The following FOXP1 variants were observed in gnomAD, a reference collection of about 807,000 sequenced individuals.
FOXP1 encodes the protein forkhead box protein P1.
A neutral mutation model predicts 98.2 loss-of-function variants in FOXP1; 15 were observed. The observed-to-expected ratio is 0.15, with a 90% confidence interval of 0.10 to 0.24. FOXP1 has a LOEUF of 0.24. FOXP1 is among the 10% of genes least tolerant of loss of function. The pLI, the probability that FOXP1 is intolerant of heterozygous loss-of-function variation, is 1.00. For missense variants in FOXP1, 633 were observed against 848.5 expected, an observed-to-expected ratio of 0.75 and a Z score of 3.15; for synonymous variants, 371 against 314.5, an observed-to-expected ratio of 1.18 and a Z score of -1.90.
At chr3:71,573,423 G>C (rs948580920) in intron 2 of FOXP1, 2 of 150,774 alleles carry the variant, frequency 1.3e-5, no homozygotes, top group African/African-American at 2.4e-5. Context: ...AGACAAAAGG[G>C]AGAAGCACCC....
intron 5 of FOXP1, among the ~76,000 whole-genome samples, chr3:71,280,996 C>T (rs2071477843): frequency 7.8e-6 from 1 of 128,792 alleles, no homozygotes; most frequent in South Asian, 2.4e-4. Flanking sequence ...TTAAAAAGGA[C>T]AGATCCTACC....
At chr3:71,208,871 CAA>C (rs2064247627) in intron 5 of FOXP1, among the ~76,000 whole-genome samples, 1 of 152,112 alleles carries the variant, frequency 6.6e-6, no homozygotes, top group Non-Finnish European at 1.5e-5. Context: ...GCAAGATAAA[CAA>C]ACAGTCATTC....
intron 5 of FOXP1, among the ~76,000 whole-genome samples, chr3:71,231,755 C>T (rs2066306166): frequency 6.6e-6 from 1 of 152,152 alleles, no homozygotes; most frequent in African/African-American, 2.4e-5. Flanking sequence ...CATTATGGTG[C>T]ATAAATAATT....
rs2031721637 is a variant in FOXP1, at chr3:70,956,125, TGACA to T, written c.*3118_*3121del. The T allele has an allele frequency of 4.3e-6, 1 of 233,168 alleles. No individual in the cohort carries two copies. The highest frequency in any genetic ancestry group is 8.5e-6 in the Non-Finnish European group (1 of 118,032). The allele number at this position is 233,168 out of a possible 1,614,324, so 14.4% of individuals were successfully genotyped here. A position where few individuals can be genotyped will look rare whatever the true frequency, so the allele number is the denominator to read the frequency against. ...AGTTGCACAAAAAGCAAAGGTGTTT[TGACA>T]AACAGGTGTATGCATTTATTCCTTT... On this transcript the variant is annotated 3_prime_UTR_variant, in exon 21 of 21. Coordinates refer to ENST00000649528, the MANE Select transcript of FOXP1 (RefSeq NM_001349338.3).
rs765338199 is a variant in FOXP1 at position 70,955,170 on chromosome 3, G to A, written c.*4077C>T. Reference sequence around the variant, plus strand: ...CACTCTTCTTTGTGCCTTTGGAAACGGAGTTCAGCTGGAATATGGAAAAGA... The same window carrying A: ...CACTCTTCTTTGTGCCTTTGGAAACAGAGTTCAGCTGGAATATGGAAAAGA... On this transcript the variant is annotated 3_prime_UTR_variant, in exon 21 of 21. Transcript: ENST00000649528. The A allele has an allele frequency of 6.0e-5, 14 of 232,306 alleles. No individual in the cohort carries two copies. Among genetic ancestry groups the A allele is most frequent in the Admixed American group, 4.5e-4 (8 of 17,746 alleles). The allele number at this position is 232,306 out of a possible 1,614,324, so 14.4% of individuals were successfully genotyped here.
intron 7 of FOXP1, among the ~76,000 whole-genome samples, chr3:71,080,176 G>A (rs1461555889): frequency 6.6e-6 from 1 of 152,156 alleles, no homozygotes; most frequent in Non-Finnish European, 1.5e-5. Context: ...CCTGGCAATG[G>A]TTTCTATATT....
intron 3 of FOXP1, among the ~76,000 whole-genome samples, chr3:71,478,797 T>C (rs200925853): frequency 2.6e-5 from 4 of 152,216 alleles, no homozygotes; most frequent in Non-Finnish European, 5.9e-5. Context: ...GACATGGCTG[T>C]TGCCATGGTG....
At chr3:71,329,564 G>C (rs2076167992) in intron 4 of FOXP1, among the ~76,000 whole-genome samples, 1 of 146,472 alleles carries the variant, frequency 6.8e-6, no homozygotes, top group Non-Finnish European at 1.5e-5. Context: ...GTTGTCCCAG[G>C]GCATCAGAGA....
At chr3:70,965,851 G>C (rs1311939414) in intron 20 of FOXP1, 39 bp downstream of exon 20, 4 of 1,600,988 alleles carry the variant, frequency 2.5e-6, no homozygotes, top group Admixed American at 1.7e-5. Flanking sequence ...GGGAGACTAG[G>C]GTCAGATAGC....
At chr3:71,168,068 T>TTA (rs1370658391) in intron 6 of FOXP1, among the ~76,000 whole-genome samples, 1 of 152,136 alleles carries the variant, frequency 6.6e-6, no homozygotes, top group Admixed American at 6.5e-5. Flanking sequence ...TTGATAGAGG[T>TTA]TTGTTACATG....
Position 70,977,025 on chromosome 3 carries a change from TG to T in FOXP1, c.1445del (p.Pro482GlnfsTer5), listed in dbSNP as rs1359813604. 1 of 1,613,684 alleles carries T rather than the reference TG, an allele frequency of 6.2e-7. No individual in the cohort carries two copies. The highest frequency in any genetic ancestry group is 2.2e-5 in the East Asian group (1 of 44,886). On this transcript the variant is annotated frameshift_variant, in exon 17 of 21. Coordinates refer to ENST00000649528, the MANE Select transcript of FOXP1 (RefSeq NM_001349338.3). LOFTEE classifies it high-confidence loss of function. The part of the protein sequence containing the change: ...SLIRQAILES[P>X]EKQLTLNEIY... ...TCTCATTTAGTGTTAGCTGCTTTTCTGGAGATTCGAGAATGGCCTGTGAAGC... is the reference window on the plus strand; with the variant it reads ...TCTCATTTAGTGTTAGCTGCTTTTCTGAGATTCGAGAATGGCCTGTGAAGC...
chr3:71,041,712 C>T (rs941993002), intron 10 of FOXP1, among the ~76,000 whole-genome samples, 180 bp from the exon 11 acceptor site: 4 of 152,028 alleles, frequency 2.6e-5, no homozygotes, highest in East Asian at 1.9e-4. Flanking sequence ...GTCCTCTTAC[C>T]GAGCAACTGA....
At chr3:71,180,853 T>C (rs1000643123) in intron 6 of FOXP1, among the ~76,000 whole-genome samples, 7 of 152,340 alleles carry the variant, frequency 4.6e-5, no homozygotes, top group African/African-American at 1.7e-4. Flanking sequence ...AACTGTGTCC[T>C]TAACTCTGCG....
In FOXP1 at chr3:71,195,206, T is replaced by C. The variant is rs546888522; in HGVS notation, c.180+2996A>G. 7.9e-5 allele frequency among the ~76,000 whole-genome samples: 12 copies of C among 152,272 alleles called. No homozygotes were observed. The East Asian group carries it at 2.3e-3, about 29-fold the overall frequency. ...ACTAACTAATTTTTAGAAATGACAATACCATTTGAACGCAATTAAGCCAAC... is the reference window on the plus strand; with the variant it reads ...ACTAACTAATTTTTAGAAATGACAACACCATTTGAACGCAATTAAGCCAAC... On this transcript the variant is annotated intron_variant, in intron 6 of 20. Transcript: ENST00000649528.
chr3:71,579,555 C>T (rs753065177), intron 2 of FOXP1, among the ~76,000 whole-genome samples: 1 of 151,790 alleles, frequency 6.6e-6, no homozygotes, highest in African/African-American at 2.4e-5. Context: ...TGCTCTCTCT[C>T]GCCTTTTTAA....
intron 13 of FOXP1, among the ~76,000 whole-genome samples, chr3:70,998,446 G>A (rs1468115124): frequency 6.6e-6 from 1 of 152,124 alleles, no homozygotes; most frequent in African/African-American, 2.4e-5. Flanking sequence ...TCTGTGGGTT[G>A]CTAACCCCTG....
At chr3:71,114,460 T>A (rs530680018) in intron 6 of FOXP1, among the ~76,000 whole-genome samples, 1 of 152,278 alleles carries the variant, frequency 6.6e-6, no homozygotes, top group South Asian at 2.1e-4. Flanking sequence ...TTGTAACAAA[T>A]AATACTTTTA....
intron 16 of FOXP1, 126 bp from the exon 17 acceptor site, chr3:70,977,168 G>A: frequency 1.4e-6 from 1 of 703,644 alleles, no homozygotes; most frequent in Admixed American, 2.1e-5. Flanking sequence ...TTTACAAAAT[G>A]ATCTAAGATT....
chr3:71,064,765 G>A (rs976641882), intron 7 of FOXP1: 53 of 984,042 alleles, frequency 5.4e-5, no homozygotes, highest in Non-Finnish European at 6.2e-5. Context: ...CAGGAAGCGG[G>A]CGCCGCGGAG....
Sources: gnomAD v4.1 joint callset for allele counts (sites outside exome capture counted in the v4.1 genomes callset) on GRCh38, gnomAD v4.1.1 for gene constraint, MANE v1.5 for transcripts, NCBI Gene and HGNC (gene_info 2026-07-23, HGNC 2026-07-21) for gene names.